GLYATL1: variants seen among roughly 807,000 people sequenced by gnomAD.
GLYATL1 encodes glycine N-acyltransferase-like protein 1.
In GLYATL1, 15 loss-of-function variants were observed where a neutral mutation model predicts 20.0. That is an observed-to-expected ratio of 0.75 (90% confidence interval 0.50 to 1.15). The LOEUF (loss-of-function observed/expected upper bound fraction) is 1.15, where lower values mean the gene tolerates loss of function less well. Ranked by LOEUF, GLYATL1 falls within the 50% of genes most tolerant of loss-of-function variation. The pLI is 0.00. For synonymous variants in GLYATL1, 151 were observed against 131.5 expected (o/e 1.15, Z -1.01); for missense variants, 380 against 368.5 (o/e 1.03, Z -0.26).
chr11:58,909,459 A>G (rs544301705), downstream of GLYATL1, among the ~76,000 whole-genome samples: 8 of 152,196 alleles, frequency 5.3e-5, no homozygotes, highest in Non-Finnish European at 1.0e-4. Context: ...GGTTGATGTC[A>G]TAGATTCTGG....
intron 1 of GLYATL1, among the ~76,000 whole-genome samples, chr11:58,921,071 C>T (rs1855297951): frequency 6.6e-6 from 1 of 152,174 alleles, no homozygotes; most frequent in African/African-American, 2.4e-5. Context: ...GTTTTTAAGG[C>T]CTTCTCCTAA....
At chr11:58,912,744 C>T (rs1855080416), downstream of GLYATL1, among the ~76,000 whole-genome samples, 1 of 152,182 alleles carries the variant, frequency 6.6e-6, no homozygotes, top group African/African-American at 2.4e-5. Flanking sequence ...CATTTGAAGC[C>T]TGGCCCCTCA....
chr11:58,950,207 C>T (rs189024693), intron 4 of GLYATL1, among the ~76,000 whole-genome samples: 3 of 148,068 alleles, frequency 2.0e-5, no homozygotes, highest in African/African-American at 7.5e-5. Context: ...CGGAGAATGG[C>T]GTGAAACCGG....
chr11:58,948,888 A>C (rs1856775005), intron 4 of GLYATL1, among the ~76,000 whole-genome samples: 1 of 152,092 alleles, frequency 6.6e-6, no homozygotes, highest in Non-Finnish European at 1.5e-5. Flanking sequence ...AGTGCAGTGG[A>C]CTCTACCACT....
At chr11:58,907,161 A>G (rs756281267) in intron 1 of GLYATL1, 5 of 422,622 alleles carry the variant, frequency 1.2e-5, no homozygotes, top group African/African-American at 8.2e-5. Flanking sequence ...CGGGGCTCTG[A>G]TCAGTACACA....
upstream of GLYATL1, among the ~76,000 whole-genome samples, chr11:58,938,525 T>A (rs1452574857): frequency 6.6e-6 from 1 of 152,164 alleles, no homozygotes; most frequent in Non-Finnish European, 1.5e-5. Context: ...GCCACGAGTG[T>A]TTCATGAAGT....
intron 1 of GLYATL1, among the ~76,000 whole-genome samples, chr11:58,921,542 T>C (rs1855308818): frequency 6.6e-6 from 1 of 152,214 alleles, no homozygotes; most frequent in Admixed American, 6.5e-5. Flanking sequence ...CTCCACGTTA[T>C]TATTCTCTGG....
chr11:58,923,862 C>G (rs1240767098), upstream of GLYATL1, among the ~76,000 whole-genome samples: 2 of 152,196 alleles, frequency 1.3e-5, no homozygotes, highest in African/African-American at 4.8e-5. Context: ...ACATAGATTA[C>G]CTGTCACCTG....
At chr11:58,911,001 C>G (rs1035252861), downstream of GLYATL1, among the ~76,000 whole-genome samples, 2 of 152,174 alleles carry the variant, frequency 1.3e-5, no homozygotes, top group African/African-American at 4.8e-5. Flanking sequence ...TCACCCCAGT[C>G]CCTGGCAACC....
Position 58,943,801 on chromosome 11 carries a change from T to A in GLYATL1, c.-43+135T>A, listed in dbSNP as rs549403269. The A allele has an allele frequency of 7.9e-5, 106 of 1,334,684 alleles. 1 individual carries two copies. In the Admixed American group the frequency reaches 2.9e-3, roughly 37 times the overall value. The allele number at this position is 1,334,684 out of a possible 1,614,324, so 82.7% of individuals were successfully genotyped here. A position where few individuals can be genotyped will look rare whatever the true frequency, so the allele number is the denominator to read the frequency against. On this transcript the variant is annotated intron_variant, in intron 2 of 6. Coordinates refer to ENST00000532726, the MANE Select transcript of GLYATL1 (RefSeq NM_001389712.2). ...AGACTGGGTCTAGGAACAGATTTGA[T>A]CTTGGAATTAACTGGCCTGGATCCA...
At chr11:58,913,462 C>T (rs1198354236), downstream of GLYATL1, among the ~76,000 whole-genome samples, 14 of 152,164 alleles carry the variant, frequency 9.2e-5, no homozygotes, top group African/African-American at 3.4e-4. Context: ...TTTTCTTCCT[C>T]GTCTCTCATT....
chr11:58,918,780 T>C (rs1855239839), intron 1 of GLYATL1, among the ~76,000 whole-genome samples: 1 of 152,228 alleles, frequency 6.6e-6, no homozygotes, highest in Non-Finnish European at 1.5e-5. Flanking sequence ...CCAGAGTGAC[T>C]AGAGCAGGGC....
chr11:58,927,600 T>A (rs915810755), upstream of GLYATL1: 1 of 152,330 alleles, frequency 6.6e-6, no homozygotes, highest in Non-Finnish European at 1.5e-5. Context: ...AGCTCTTCGT[T>A]GCCTCTGCTG....
chr11:58,944,504 G>GT (rs1856425491), intron 2 of GLYATL1, among the ~76,000 whole-genome samples: 1 of 151,928 alleles, frequency 6.6e-6, no homozygotes, highest in Non-Finnish European at 1.5e-5. Flanking sequence ...TGCCTTCCAT[G>GT]TTTTTTTCAA....
At chr11:58,933,052 G>A (rs893126804) in intron 1 of GLYATL1, among the ~76,000 whole-genome samples, 3 of 152,172 alleles carry the variant, frequency 2.0e-5, no homozygotes, top group Non-Finnish European at 4.4e-5. Flanking sequence ...AACCTGAGAA[G>A]TATTCACAGG....
chr11:58,955,256 C>T lies in GLYATL1; in HGVS notation c.394C>T (p.Leu132Phe). 6.2e-7 allele frequency: 1 copy of T among 1,614,076 alleles called. No individual in the cohort carries two copies. The highest frequency in any genetic ancestry group is 8.5e-7 in the Non-Finnish European group (1 of 1,179,966). Residue 132 changes from leucine (L) to phenylalanine (F), a missense_variant, in exon 6 of 7, where the codon CTC becomes TTC. Leu to Phe is a conservative substitution (Grantham distance 22). Coordinates refer to ENST00000532726, the MANE Select transcript of GLYATL1 (RefSeq NM_001389712.2). ...GAAAGTAGAGCATTCGAGAGCACTC[C>T]TCTTGGTTACGGAAGATATTCTGAA... ...SVKVEHSRAL[L>F]LVTEDILKLN...
intron 4 of GLYATL1, among the ~76,000 whole-genome samples, chr11:58,953,460 A>C (rs532333214): frequency 4.7e-5 from 5 of 105,400 alleles, no homozygotes; most frequent in African/African-American, 1.1e-4. Flanking sequence ...CCAGAAGTTT[A>C]TCTCTCTCTT....
intron 3 of GLYATL1, 101 bp downstream of exon 3, chr11:58,947,266 T>C (rs1856637673): frequency 1.4e-6 from 2 of 1,464,136 alleles, no homozygotes; most frequent in Non-Finnish European, 1.8e-6. Flanking sequence ...TTGCAGAGGG[T>C]TGGAGCTGGG....
At chr11:58,918,080 C>G (rs1451907643) in intron 1 of GLYATL1, among the ~76,000 whole-genome samples, 1 of 152,166 alleles carries the variant, frequency 6.6e-6, no homozygotes, top group African/African-American at 2.4e-5. Context: ...GATCTACTCT[C>G]TTTGGCAAAT....
Sources: gnomAD v4.1 joint callset for allele counts (sites outside exome capture counted in the v4.1 genomes callset) on GRCh38, gnomAD v4.1.1 for gene constraint, MANE v1.5 for transcripts, NCBI Gene and HGNC (gene_info 2026-07-23, HGNC 2026-07-21) for gene names.